MARCHF8: variants seen among roughly 807,000 people sequenced by gnomAD.
MARCHF8 encodes membrane associated ring-CH-type finger 8.
Under a neutral mutation model 51.6 loss-of-function variants are expected in MARCHF8, and 40 were observed. The ratio of observed to expected loss-of-function variants is 0.77; its 90% CI spans 0.60 to 1.01. The LOEUF (loss-of-function observed/expected upper bound fraction) is 1.01, where lower values mean the gene tolerates loss of function less well. Among genes scored for constraint, MARCHF8 ranks in the 50% least tolerant of loss-of-function variants. The pLI is 0.00. For missense variants in MARCHF8, 685 were observed against 708.6 expected, an observed-to-expected ratio of 0.97 and a Z score of 0.38; for synonymous variants, 263 against 280.3, an observed-to-expected ratio of 0.94 and a Z score of 0.62.
chr10:45,569,421 GA>G (rs1489570481), intron 1 of MARCHF8, among the ~76,000 whole-genome samples: 1 of 152,120 alleles, frequency 6.6e-6, no homozygotes, highest in African/African-American at 2.4e-5. Flanking sequence ...TGCATATGCT[GA>G]AGCATCCTTG....
intron 2 of MARCHF8, among the ~76,000 whole-genome samples, chr10:45,507,484 T>A (rs1302319040): frequency 6.6e-6 from 1 of 152,106 alleles, no homozygotes. Context: ...GAACAGAGAT[T>A]ACAAGGTGAG....
intron 3 of MARCHF8, among the ~76,000 whole-genome samples, chr10:45,465,896 T>C (rs1445359635): frequency 6.6e-6 from 1 of 152,222 alleles, no homozygotes; most frequent in Non-Finnish European, 1.5e-5. Context: ...TTAAGTTTAC[T>C]TGGACACATG....
At chr10:45,557,937 C>CA (rs903428488) in intron 1 of MARCHF8, among the ~76,000 whole-genome samples, 2 of 151,026 alleles carry the variant, frequency 1.3e-5, no homozygotes, top group African/African-American at 4.9e-5. Flanking sequence ...TGCAGGCCTG[C>CA]AAAAAAAATG....
At chr10:45,587,337 C>T (rs1051588642) in intron 1 of MARCHF8, among the ~76,000 whole-genome samples, 2 of 151,996 alleles carry the variant, frequency 1.3e-5, no homozygotes, top group African/African-American at 4.8e-5. Context: ...TTTACAATGA[C>T]ATTAAAAATG....
rs146800179 is a variant in MARCHF8, at chr10:45,498,462, G to A, written c.103-9045C>T. ...GGCATAATGTCCTCAAGATTCCTCC[G>A]TGTTGTAGCATGTGTCAGAAGCCTT... On this transcript the variant is annotated intron_variant, in intron 2 of 7. Transcript: ENST00000453424. Among the ~76,000 whole-genome samples the A allele has an allele frequency of 3.4e-3, 512 of 151,162 alleles. 2 individuals carry two copies. The highest frequency in any genetic ancestry group is 3.6e-3 in the Non-Finnish European group (247 of 67,854).
upstream of MARCHF8, among the ~76,000 whole-genome samples, chr10:45,537,103 A>T (rs183283446): frequency 2.3e-4 from 35 of 152,218 alleles, no homozygotes; most frequent in Non-Finnish European, 4.3e-4. Context: ...TAAACATGTT[A>T]TCATATGACC....
chr10:45,512,384 C>G (rs537508051), intron 2 of MARCHF8, among the ~76,000 whole-genome samples: 3 of 150,552 alleles, frequency 2.0e-5, no homozygotes, highest in Admixed American at 2.0e-4. Context: ...CCGCCCCGTC[C>G]AGGAGGGAGG....
intron 1 of MARCHF8, among the ~76,000 whole-genome samples, chr10:45,575,699 G>C (rs753301121): frequency 4.6e-5 from 7 of 152,116 alleles, no homozygotes; most frequent in Non-Finnish European, 8.8e-5. Flanking sequence ...AAGACTACAG[G>C]AATGTTAGGC....
intron 2 of MARCHF8, among the ~76,000 whole-genome samples, chr10:45,527,817 A>G (rs1230941184): frequency 1.3e-5 from 2 of 152,184 alleles, no homozygotes; most frequent in African/African-American, 4.8e-5. Context: ...AGAATCAATC[A>G]GTACCCCTAA....
chr10:45,558,518 A>T (rs2044276362), intron 1 of MARCHF8, among the ~76,000 whole-genome samples: 1 of 152,244 alleles, frequency 6.6e-6, no homozygotes, highest in Non-Finnish European at 1.5e-5. Context: ...CAGCACGGAA[A>T]GCAGCAGCTG....
chr10:45,563,966 A>G (rs2044337468), intron 1 of MARCHF8, among the ~76,000 whole-genome samples: 1 of 152,218 alleles, frequency 6.6e-6, no homozygotes, highest in African/African-American at 2.4e-5. Flanking sequence ...GCAAACAGGT[A>G]GGAAATCTCA....
intron 1 of MARCHF8, among the ~76,000 whole-genome samples, chr10:45,542,329 G>A (rs2044065154): frequency 8.7e-6 from 1 of 114,460 alleles, no homozygotes; most frequent in Non-Finnish European, 1.6e-5. Flanking sequence ...CCTGGTGACA[G>A]AGCAGGACTT....
At chr10:45,552,334 C>T (rs970909184) in intron 1 of MARCHF8, among the ~76,000 whole-genome samples, 87 of 150,254 alleles carry the variant, frequency 5.8e-4, no homozygotes, top group Non-Finnish European at 1.1e-3. Flanking sequence ...ACACTATAAA[C>T]TATTATTTGC....
At chr10:45,514,899 G>A (rs1185995291) in intron 2 of MARCHF8, among the ~76,000 whole-genome samples, 2 of 152,120 alleles carry the variant, frequency 1.3e-5, no homozygotes, top group East Asian at 3.9e-4. Flanking sequence ...AGTTCTGGAT[G>A]CAGAAAAAGC....
At chr10:45,486,418 G>A (rs1589108309) in intron 3 of MARCHF8, among the ~76,000 whole-genome samples, 1 of 152,248 alleles carries the variant, frequency 6.6e-6, no homozygotes, top group South Asian at 2.1e-4. Context: ...ACAAAAATTA[G>A]CTGGGCGTGG....
rs55978063 is a variant in MARCHF8, at chr10:45,584,126, C to CATATATAT, written c.-79+10101_-79+10108dup. 7.3e-3 allele frequency among the ~76,000 whole-genome samples: 626 copies of CATATATAT among 85,278 alleles called. 15 individuals carry two copies. Among genetic ancestry groups the CATATATAT allele is most frequent in the South Asian group, 9.4e-3 (18 of 1,924 alleles). The allele number at this position is 85,278 out of a possible 152,430, so 55.9% of individuals were successfully genotyped here. On this transcript the variant is annotated intron_variant, in intron 1 of 6. Coordinates refer to the MARCHF8 transcript ENST00000319836. The stretch of plus-strand genomic sequence containing the variant: ...TAGATTCTACCAACATATATACAAT[C>CATATATAT]ATATATATATATATATATATATATA...
chr10:45,549,172 T>G (rs1021903438), intron 1 of MARCHF8, among the ~76,000 whole-genome samples: 1 of 152,062 alleles, frequency 6.6e-6, no homozygotes, highest in Admixed American at 6.5e-5. Flanking sequence ...AGCACATCAT[T>G]AGAGAATAAA....
chr10:45,584,845 G>T (rs1239416737), intron 1 of MARCHF8, among the ~76,000 whole-genome samples: 1 of 152,192 alleles, frequency 6.6e-6, no homozygotes, highest in Non-Finnish European at 1.5e-5. Flanking sequence ...GATGAAGAAA[G>T]AAAGAGGATC....
chr10:45,497,458 C>T (rs1275695601), intron 2 of MARCHF8, among the ~76,000 whole-genome samples: 2 of 151,836 alleles, frequency 1.3e-5, no homozygotes, highest in Non-Finnish European at 2.9e-5. Flanking sequence ...ATACAAAACC[C>T]AACAACAACA....
Sources: allele counts gnomAD v4.1 joint callset (sites outside exome capture counted in the v4.1 genomes callset), GRCh38; gene constraint gnomAD v4.1.1; transcripts MANE v1.5; gene names NCBI Gene and HGNC (gene_info 2026-07-23, HGNC 2026-07-21).